TENM2: variants seen among roughly 807,000 people sequenced by gnomAD.
TENM2 encodes teneurin transmembrane protein 2.
In TENM2, 52 loss-of-function variants were observed where a neutral mutation model predicts 245.2. The ratio of observed to expected loss-of-function variants is 0.21; its 90% CI spans 0.17 to 0.27. The LOEUF is 0.27. Ranked by LOEUF, TENM2 falls within the 10% of genes least tolerant of loss-of-function variation. The pLI is 1.00. For missense variants in TENM2, 3,046 were observed against 3,666.8 expected (o/e 0.83, Z 4.37); for synonymous variants, 1,363 against 1,438.9 (o/e 0.95, Z 1.19).
chr5:167,497,681 G>T (rs1298661666), intron 2 of TENM2, among the ~76,000 whole-genome samples: 1 of 151,996 alleles, frequency 6.6e-6, no homozygotes, highest in East Asian at 1.9e-4. Context: ...CTATATAAGG[G>T]TAGGTATCGC....
chr5:168,111,373 C>T (rs200088716), intron 9 of TENM2, among the ~76,000 whole-genome samples: 1 of 152,088 alleles, frequency 6.6e-6, no homozygotes, highest in Non-Finnish European at 1.5e-5. Context: ...GGGGTCCTGC[C>T]GGCTCTTGCC....
chr5:167,005,850 C>T, the TENM2 span, among the ~76,000 whole-genome samples: 1 of 151,530 alleles, frequency 6.6e-6, no homozygotes, highest in African/African-American at 2.4e-5. Flanking sequence ...TTAGTAGAGA[C>T]AGAGCTTCAC....
At chr5:167,894,665 C>T (rs1481404800) in intron 3 of TENM2, among the ~76,000 whole-genome samples, 1 of 152,110 alleles carries the variant, frequency 6.6e-6, no homozygotes, top group East Asian at 1.9e-4. Context: ...ATCCTCAACA[C>T]CCAACAGTGC....
intron 2 of TENM2, among the ~76,000 whole-genome samples, chr5:167,866,583 A>G (rs1218276798): frequency 6.6e-6 from 1 of 152,004 alleles, no homozygotes; most frequent in East Asian, 1.9e-4. Context: ...AATGATTCAT[A>G]TTCAAAAGGA....
At position 167,794,323 on chromosome 5, in the gene TENM2, G is replaced by A. The variant is rs1765177434; in HGVS notation, c.503-81663G>A. 2.0e-5 allele frequency among the ~76,000 whole-genome samples: 3 copies of A among 152,166 alleles called. No individual in the cohort carries two copies. The South Asian group carries it at 6.2e-4, about 32-fold the overall frequency. The stretch of plus-strand genomic sequence containing the variant: ...TTACTTCAAAGTTGTGGCTTCTGCT[G>A]GTGAACCTGAAAGGGAAATAAATTG... On this transcript the variant is annotated intron_variant, in intron 2 of 28. Transcript: ENST00000518659.
intron 2 of TENM2, among the ~76,000 whole-genome samples, chr5:167,828,844 A>G (rs1322259804): frequency 6.6e-6 from 1 of 152,228 alleles, no homozygotes; most frequent in Admixed American, 6.5e-5. Context: ...ATTAAAGATA[A>G]CTTCTATTTG....
chr5:167,197,995 A>G, the TENM2 span, among the ~76,000 whole-genome samples: 609 of 152,058 alleles, frequency 4.0e-3, 2 homozygotes, highest in African/African-American at 0.014. Flanking sequence ...GAAGACAGAG[A>G]TTTGTCATAG....
intron 2 of TENM2, among the ~76,000 whole-genome samples, chr5:167,419,087 C>T (rs1219599537): frequency 1.3e-5 from 2 of 151,520 alleles, no homozygotes; most frequent in Non-Finnish European, 2.9e-5. Context: ...ATACAACATA[C>T]TATATGTATA....
At chr5:167,551,691 CATTT>C (rs1772959389) in intron 2 of TENM2, among the ~76,000 whole-genome samples, 1 of 152,078 alleles carries the variant, frequency 6.6e-6, no homozygotes, top group East Asian at 1.9e-4. Flanking sequence ...TCTATGTATT[CATTT>C]GTTTATTTTT....
rs115577491 is a variant in TENM2, at chr5:168,103,741, C to T, written c.1813+5614C>T. Among the ~76,000 whole-genome samples the T allele has an allele frequency of 4.0e-3, 602 of 152,214 alleles. 4 individuals carry two copies. Among genetic ancestry groups the T allele is most frequent in the African/African-American group, 0.014 (577 of 41,542 alleles). On this transcript the variant is annotated intron_variant, in intron 9 of 28. Coordinates refer to ENST00000518659, the Ensembl canonical transcript of TENM2. ...GTGAGTGTGTGTGCCTTTGTTCCCC[C>T]TCACACATAAGGCAGAGACGTGGGA...
chr5:167,067,487 G>A, the TENM2 span, among the ~76,000 whole-genome samples: 1 of 152,136 alleles, frequency 6.6e-6, no homozygotes, highest in Non-Finnish European at 1.5e-5. Context: ...GAAAGAGAGG[G>A]TGAGTTAAAT....
At chr5:167,313,144 G>C (rs1365482719) in intron 1 of TENM2, among the ~76,000 whole-genome samples, 2 of 151,946 alleles carry the variant, frequency 1.3e-5, no homozygotes, top group African/African-American at 4.8e-5. Flanking sequence ...CTCAAGTGAT[G>C]CATCCTCCTT....
At chr5:167,345,974 C>A (rs1320335632) in intron 1 of TENM2, among the ~76,000 whole-genome samples, 2 of 150,084 alleles carry the variant, frequency 1.3e-5, no homozygotes, top group Non-Finnish European at 3.0e-5. Context: ...TAAATAAATT[C>A]TTCCAAAATA....
At chr5:167,019,192 G>C in the TENM2 span, among the ~76,000 whole-genome samples, 1 of 152,058 alleles carries the variant, frequency 6.6e-6, no homozygotes, top group Non-Finnish European at 1.5e-5. Context: ...TTCACTTGCA[G>C]TTGGGGGGAG....
rs1008466380 is a variant in TENM2, at chr5:168,234,274, T to C, written c.5520+6144T>C. 5.3e-5 allele frequency among the ~76,000 whole-genome samples: 8 copies of C among 152,176 alleles called. No individual in the cohort carries two copies. In the South Asian group the frequency reaches 1.0e-3, roughly 20 times the overall value. Reference sequence around the variant, plus strand: ...CAGCATTTCTATTTTTCATAAAATATCTCATGGAAGAAAGATTGACCTGGC... The same window carrying C: ...CAGCATTTCTATTTTTCATAAAATACCTCATGGAAGAAAGATTGACCTGGC... On this transcript the variant is annotated intron_variant, in intron 25 of 28. Transcript: ENST00000518659.
chr5:167,619,409 A>G (rs536159009), intron 2 of TENM2, among the ~76,000 whole-genome samples: 51 of 152,258 alleles, frequency 3.3e-4, no homozygotes, highest in African/African-American at 1.2e-3. Context: ...AATTTGGTGG[A>G]TGCTGTTTCC....
intron 1 of TENM2, among the ~76,000 whole-genome samples, chr5:167,336,670 T>C (rs1757774759): frequency 6.6e-6 from 1 of 152,138 alleles, no homozygotes; most frequent in Non-Finnish European, 1.5e-5. Context: ...TCATACCCTT[T>C]GAGAATTCCT....
Position 167,599,219 on chromosome 5 carries a change from G to A in TENM2, c.502+223746G>A, listed in dbSNP as rs76995662. On this transcript the variant is annotated intron_variant, in intron 2 of 28. Transcript: ENST00000518659. ...GGGCTTGGGAAATTTTTTGGGCTGA[G>A]TGTGTGTTGTCTTATTAGGTAGGGT... is the stretch of plus-strand genomic sequence containing the variant. Among the ~76,000 whole-genome samples, 784 of 152,312 alleles carry A rather than the reference G, an allele frequency of 5.1e-3. 6 individuals are homozygous for A. Among genetic ancestry groups the A allele is most frequent in the African/African-American group, 0.018 (743 of 41,570 alleles).
intron 2 of TENM2, among the ~76,000 whole-genome samples, chr5:167,697,672 C>A (rs56111454): frequency 0.081 from 12,271 of 152,042 alleles, 619 homozygotes; most frequent in African/African-American, 0.14. Flanking sequence ...TTACAGGCAC[C>A]CGCCACCATG....
Sources: allele counts gnomAD v4.1 joint callset (sites outside exome capture counted in the v4.1 genomes callset), GRCh38; gene constraint gnomAD v4.1.1; transcripts MANE v1.5; gene names NCBI Gene and HGNC (gene_info 2026-07-23, HGNC 2026-07-21).